The following NRXN3 variants were observed in gnomAD, a reference collection of about 807,000 sequenced individuals.
The protein encoded by NRXN3 is neurexin 3.
NRXN3 carries 32 observed loss-of-function variants against 137.6 expected under a neutral mutation model. The observed-to-expected ratio is 0.23, with a 90% CI of 0.18 to 0.31. The LOEUF is 0.31. Ranked by LOEUF, NRXN3 falls within the 10% of genes least tolerant of loss-of-function variation. The pLI, the probability that NRXN3 is intolerant of heterozygous loss-of-function variation, is 1.00. For missense variants in NRXN3, 1,574 were observed against 2,062.5 expected (o/e 0.76, Z 4.59); for synonymous variants, 798 against 784.5 (o/e 1.02, Z -0.29).
At chr14:78,246,019 CATG>C (rs1459536663) in intron 2 of NRXN3, among the ~76,000 whole-genome samples, 4 of 152,248 alleles carry the variant, frequency 2.6e-5, no homozygotes, top group Admixed American at 6.5e-5. Context: ...AAGACGCTGA[CATG>C]ATCACTTGTT....
At chr14:79,675,986 G>T (rs983043998) in intron 17 of NRXN3, among the ~76,000 whole-genome samples, 4 of 152,014 alleles carry the variant, frequency 2.6e-5, no homozygotes, top group African/African-American at 9.7e-5. Flanking sequence ...ATGCATAAAG[G>T]TGCCAGTTGA....
intron 15 of NRXN3, among the ~76,000 whole-genome samples, chr14:79,283,345 A>G (rs1321105997): frequency 6.6e-6 from 1 of 152,082 alleles, no homozygotes; most frequent in Non-Finnish European, 1.5e-5. Context: ...TCCCTTGCCC[A>G]TTTCCTGAGA....
intron 15 of NRXN3, among the ~76,000 whole-genome samples, chr14:79,405,544 C>G (rs146551964): frequency 6.6e-6 from 1 of 152,124 alleles, no homozygotes; most frequent in African/African-American, 2.4e-5. Context: ...ACTTCTCAGG[C>G]ATGAAGGCTG....
chr14:78,492,377 T>C lies in NRXN3; in HGVS notation c.758-152743T>C, dbSNP rs570310924. On this transcript the variant is annotated intron_variant, in intron 4 of 20. Transcript: ENST00000335750. ...ACATTATTTCATAAAAAAGACATTC[T>C]AACATTCTAAAGAAAGCCTTCAAAG... Among the ~76,000 whole-genome samples, 6 of 152,332 alleles carry C rather than the reference T, an allele frequency of 3.9e-5. No individual in the cohort carries two copies. The South Asian group carries it at 1.0e-3, about 26-fold the overall frequency.
At chr14:79,382,592 A>G (rs2094500716) in intron 15 of NRXN3, among the ~76,000 whole-genome samples, 1 of 152,084 alleles carries the variant, frequency 6.6e-6, no homozygotes, top group Non-Finnish European at 1.5e-5. Flanking sequence ...CACATTAACT[A>G]TTGTTGTTAT....
chr14:79,126,436 G>A (rs2056485675), intron 15 of NRXN3, among the ~76,000 whole-genome samples: 1 of 145,808 alleles, frequency 6.9e-6, no homozygotes, highest in South Asian at 2.2e-4. Flanking sequence ...TTGGTTTTTT[G>A]TTCTTGCGAT....
chr14:78,700,954 T>G (rs1319633587), intron 6 of NRXN3, among the ~76,000 whole-genome samples: 3 of 152,098 alleles, frequency 2.0e-5, no homozygotes, highest in Non-Finnish European at 4.4e-5. Context: ...GTACTTTTAG[T>G]AGGGACGGGG....
intron 14 of NRXN3, among the ~76,000 whole-genome samples, chr14:78,974,858 A>G (rs188504155): frequency 2.2e-3 from 337 of 152,284 alleles, no homozygotes; most frequent in Non-Finnish European, 3.3e-3. Flanking sequence ...GGTAGTGAAG[A>G]TATATGACAA....
chr14:79,525,556 C>T (rs1385006820), intron 16 of NRXN3, among the ~76,000 whole-genome samples: 1 of 152,160 alleles, frequency 6.6e-6, no homozygotes, highest in African/African-American at 2.4e-5. Flanking sequence ...AACTATTCCC[C>T]ACAAATGAAT....
intron 15 of NRXN3, among the ~76,000 whole-genome samples, chr14:79,054,540 CTG>C (rs1441316318): frequency 6.6e-6 from 1 of 152,158 alleles, no homozygotes; most frequent in Non-Finnish European, 1.5e-5. Context: ...GATTTGCTCT[CTG>C]TGCAAGGAGT....
intron 15 of NRXN3, among the ~76,000 whole-genome samples, chr14:79,199,388 G>T (rs943381961): frequency 6.6e-6 from 1 of 152,132 alleles, no homozygotes; most frequent in Non-Finnish European, 1.5e-5. Flanking sequence ...AATTAAATGT[G>T]TTGGGTTGTG....
At chr14:79,123,786 G>A (rs2055901917) in intron 15 of NRXN3, among the ~76,000 whole-genome samples, 1 of 152,202 alleles carries the variant, frequency 6.6e-6, no homozygotes, top group Non-Finnish European at 1.5e-5. Flanking sequence ...TGGGAGTACT[G>A]TATACATGAA....
chr14:79,343,270 G>A (rs563413426), intron 15 of NRXN3, among the ~76,000 whole-genome samples: 124 of 152,292 alleles, frequency 8.1e-4, no homozygotes, highest in African/African-American at 2.9e-3. Flanking sequence ...CAAGAAGGAG[G>A]TCTGCTTTGG....
intron 20 of NRXN3, among the ~76,000 whole-genome samples, chr14:79,851,755 C>T (rs1364762983): frequency 2.0e-5 from 3 of 152,114 alleles, no homozygotes; most frequent in East Asian, 3.9e-4. Context: ...AGGCTGAGGC[C>T]ATTTCTAAAA....
intron 17 of NRXN3, among the ~76,000 whole-genome samples, chr14:79,684,705 G>T (rs766607090): frequency 6.6e-6 from 1 of 152,066 alleles, no homozygotes; most frequent in Non-Finnish European, 1.5e-5. Context: ...ATGTTTAAAT[G>T]AACAGAATTT....
intron 15 of NRXN3, among the ~76,000 whole-genome samples, chr14:79,098,630 C>T (rs2050749825): frequency 6.6e-6 from 1 of 152,128 alleles, no homozygotes; most frequent in Non-Finnish European, 1.5e-5. Context: ...GTGTCTGATA[C>T]TTACACTCAC....
chr14:78,176,620 T>A (rs1451725859), intron 1 of NRXN3, among the ~76,000 whole-genome samples: 6 of 152,110 alleles, frequency 3.9e-5, no homozygotes, highest in Non-Finnish European at 7.4e-5. Context: ...CAAGTACAAA[T>A]GACAAGATGG....
intron 2 of NRXN3, among the ~76,000 whole-genome samples, chr14:78,256,940 G>A (rs1208293410): frequency 6.6e-6 from 1 of 152,282 alleles, no homozygotes; most frequent in East Asian, 1.9e-4. Flanking sequence ...AGGGCTTGCA[G>A]CTTTCAGGAT....
chr14:78,941,049 AATTTCAATGTCC>A (rs1447820951), intron 10 of NRXN3, among the ~76,000 whole-genome samples: 2 of 152,216 alleles, frequency 1.3e-5, no homozygotes, highest in East Asian at 3.9e-4. Flanking sequence ...TCACACTTTG[AATTTCAATGTCC>A]ATAAGCTGCA....
Sources: allele counts gnomAD v4.1 joint callset (sites outside exome capture counted in the v4.1 genomes callset), GRCh38; gene constraint gnomAD v4.1.1; transcripts MANE v1.5; gene names NCBI Gene and HGNC (gene_info 2026-07-23, HGNC 2026-07-21).